RPAIN: variants seen among roughly 807,000 people sequenced by gnomAD.
RPAIN encodes RPA-interacting protein.
RPAIN carries 29 observed loss-of-function variants against 30.5 expected under a neutral mutation model. That is an observed-to-expected ratio of 0.95 (90% CI 0.71 to 1.30). The LOEUF (loss-of-function observed/expected upper bound fraction) is 1.30, where lower values mean the gene tolerates loss of function less well. Ranked by LOEUF, RPAIN falls within the 50% of genes most tolerant of loss-of-function variation. The probability of loss-of-function intolerance (pLI) is 0.00; values close to 1 mark genes in which losing one functional copy is unlikely to be tolerated. For synonymous variants in RPAIN, 101 were observed against 93.5 expected (o/e 1.08, Z -0.46); for missense variants, 247 against 264.7 (o/e 0.93, Z 0.46).
chr17:5,421,230 G>GT, intron 1 of RPAIN, 66 bp from the exon 2 acceptor site: 1 of 1,480,978 alleles, frequency 6.8e-7, no homozygotes, highest in Non-Finnish European at 9.1e-7. Flanking sequence ...CTCAACTAAT[G>GT]TAAGAGTGTT....
chr17:5,428,543 C>T (rs1487776518), intron 6 of RPAIN: 3 of 1,290,678 alleles, frequency 2.3e-6, no homozygotes. Flanking sequence ...GCCATGCTGG[C>T]ACCACTTTTG....
Position 5,432,619 on chromosome 17 carries a change from C to G in RPAIN, c.*48C>G, listed in dbSNP as rs1346699996. 1 of 1,537,628 alleles carries G rather than the reference C, an allele frequency of 6.5e-7. No homozygotes were observed. Among genetic ancestry groups the G allele is most frequent in the Non-Finnish European group, 9.0e-7 (1 of 1,110,544 alleles). On this transcript the variant is annotated 3_prime_UTR_variant, in exon 7 of 7. Transcript: ENST00000381209. ...TCTATGGGGTTGAAGACAACTCATT[C>G]CCTCTGAGGAGCCTTGTACATACAA...
chr17:5,426,312 C>T lies in RPAIN; in HGVS notation c.489+13C>T. On this transcript the variant is annotated intron_variant, in intron 5 of 6. Transcript: ENST00000381209. ...CATCCCATCTCATGTGAGTGTTCCA[C>T]ACACAGATTTCATGATACTTCTTCC... 6.2e-7 allele frequency: 1 copy of T among 1,608,480 alleles called. No homozygotes were observed. Among genetic ancestry groups the T allele is most frequent in the Non-Finnish European group, 8.5e-7 (1 of 1,174,828 alleles).
Position 5,429,244 on chromosome 17 carries a change from A to G in RPAIN, c.630+1033A>G, listed in dbSNP as rs896280038. 4.1e-6 allele frequency: 4 copies of G among 985,116 alleles called. No individual in the cohort carries two copies. The African/African-American group carries it at 7.0e-5, about 17-fold the overall frequency. The allele number at this position is 985,116 out of a possible 1,614,324, so 61.0% of individuals were successfully genotyped here. On this transcript the variant is annotated intron_variant, in intron 6 of 6. Coordinates refer to ENST00000381209, the MANE Select transcript of RPAIN (RefSeq NM_001033002.4). Reference sequence around the variant, plus strand: ...TGACACCTTCCTGGAGGAGGCATTTAACTTGGCCTTGAAGCATGGAATCGA... The same window carrying G: ...TGACACCTTCCTGGAGGAGGCATTTGACTTGGCCTTGAAGCATGGAATCGA...
intron 6 of RPAIN, chr17:5,429,563 C>A: frequency 1.0e-6 from 1 of 985,452 alleles, no homozygotes; most frequent in African/African-American, 1.7e-5. Context: ...CTGCTCCAGG[C>A]TCAGGCCTTG....
intron 5 of RPAIN, 112 bp downstream of exon 5, chr17:5,426,411 A>G: frequency 1.1e-6 from 1 of 945,804 alleles, no homozygotes; most frequent in Non-Finnish European, 1.7e-6. Context: ...TCCCAGTTTT[A>G]TGTTCAGTGG....
At chr17:5,429,079 AT>A (rs1915669709) in intron 6 of RPAIN, 2 of 985,242 alleles carry the variant, frequency 2.0e-6, no homozygotes, top group African/African-American at 3.5e-5. Flanking sequence ...TTGAGGACTC[AT>A]TAACATTGAG....
At position 5,427,425 on chromosome 17, in the gene RPAIN, T is replaced by TG. The variant is rs1915506469; in HGVS notation, c.490-645dup. The TG allele has an allele frequency of 2.6e-5, 4 of 152,454 alleles. No homozygotes were observed. The East Asian group carries it at 7.7e-4, about 29-fold the overall frequency. 9.4% of individuals were successfully genotyped at this position (152,454 alleles called of 1,614,324 possible). A position where few individuals can be genotyped will look rare whatever the true frequency, so the allele number is the denominator to read the frequency against. ...TGTTGGGATTACAAGCGTGAGCCAC[T>TG]GTGCCTCGCTGAGTCACCTTTTTTA... On this transcript the variant is annotated intron_variant, in intron 5 of 6. Transcript: ENST00000381209.
rs371448368 is a variant in RPAIN at position 5,431,448 on chromosome 17, T to C, written c.631-1094T>C. The C allele has an allele frequency of 1.8e-4, 78 of 436,136 alleles. No homozygotes were observed. In the East Asian group the frequency reaches 3.8e-3, roughly 21 times the overall value. The allele number at this position is 436,136 out of a possible 1,614,324, so 27.0% of individuals were successfully genotyped here. A position where few individuals can be genotyped will look rare whatever the true frequency, so the allele number is the denominator to read the frequency against. ...GTTGCAGTGAGCTGAGAGGGCGCCATTGCGCTCCAGGCTGGGTGACAGCGA... is the reference window on the plus strand; with the variant it reads ...GTTGCAGTGAGCTGAGAGGGCGCCACTGCGCTCCAGGCTGGGTGACAGCGA... On this transcript the variant is annotated intron_variant, in intron 6 of 6. Transcript: ENST00000381209.
In RPAIN at chr17:5,420,256, G is replaced by T. The variant is rs1443532767; in HGVS notation, c.46G>T (p.Val16Leu). 6.2e-7 allele frequency: 1 copy of T among 1,613,862 alleles called. No homozygotes were observed. The highest frequency in any genetic ancestry group is 1.1e-5 in the South Asian group (1 of 91,072). The change falls in exon 1 of 7, where the codon GTG (valine) becomes TTG (leucine). Residue 16 changes from valine to leucine, a missense_variant. By Grantham distance (32) the Val-to-Leu change is conservative (BLOSUM62 1). Transcript: ENST00000381209. The stretch of plus-strand genomic sequence containing the variant: ...TCCGCGCCGCTCCCTGTACAAACTG[G>T]TGGGCTCGCCGCCTTGGAAAGAGGC... The part of the protein sequence containing the change: ...RSPRRSLYKL[V>L]GSPPWKEAFR...
At position 5,432,113 on chromosome 17, in the gene RPAIN, C is replaced by T. The variant is rs928459071; in HGVS notation, c.631-429C>T. 42 of 224,612 alleles carry T rather than the reference C, an allele frequency of 1.9e-4. 7 individuals are homozygous for T. The highest frequency in any genetic ancestry group is 1.4e-3 in the Admixed American group (27 of 19,292). 13.9% of individuals were successfully genotyped at this position (224,612 alleles called of 1,614,324 possible). On this transcript the variant is annotated intron_variant, in intron 6 of 6. Transcript: ENST00000381209. ...ATCATGTCTTTACATGTTTTCTGCC[C>T]GTACTGATCATGCATGGTTTGCACC...
At position 5,428,054 on chromosome 17, in the gene RPAIN, A is replaced by G. The variant is rs1308332639; in HGVS notation, c.490-17A>G. 6.2e-7 allele frequency: 1 copy of G among 1,613,868 alleles called. No homozygotes were observed. Among genetic ancestry groups the G allele is most frequent in the Admixed American group, 1.7e-5 (1 of 59,976 alleles). On this transcript the variant is annotated splice_polypyrimidine_tract_variant and intron_variant, in intron 5 of 6. Transcript: ENST00000381209. ...TATCAAGTCACTGAGAGGAGGTTGAACTTTTTTATTTTGTAGTCTTCTGAG... is the reference window on the plus strand; with the variant it reads ...TATCAAGTCACTGAGAGGAGGTTGAGCTTTTTTATTTTGTAGTCTTCTGAG...
intron 6 of RPAIN, chr17:5,428,596 T>A: frequency 9.8e-7 from 1 of 1,019,486 alleles, no homozygotes. Flanking sequence ...AGCATTAGGT[T>A]TGTCTGTCAG....
At position 5,432,608 on chromosome 17, in the gene RPAIN, GAC is replaced by G. The variant is rs1234103614; in HGVS notation, c.*39_*40del. On this transcript the variant is annotated 3_prime_UTR_variant, in exon 7 of 7. Transcript: ENST00000381209. Reference sequence around the variant, plus strand: ...ACTCACATCATTCTATGGGGTTGAAGACAACTCATTCCCTCTGAGGAGCCTTG... The same window carrying G: ...ACTCACATCATTCTATGGGGTTGAAGAACTCATTCCCTCTGAGGAGCCTTG... The G allele has an allele frequency of 1.3e-6, 2 of 1,595,772 alleles. No homozygotes were observed. Among genetic ancestry groups the G allele is most frequent in the African/African-American group, 2.7e-5 (2 of 74,486 alleles).
At chr17:5,422,689 A>G in intron 2 of RPAIN, 80 bp from the exon 3 acceptor site, 3 of 1,342,634 alleles carry the variant, frequency 2.2e-6, no homozygotes, top group Non-Finnish European at 3.2e-6. Context: ...TCTTCAAGCC[A>G]GCCTCCAAGT....
At chr17:5,422,656 G>T in intron 2 of RPAIN, 113 bp from the exon 3 acceptor site, 1 of 864,190 alleles carries the variant, frequency 1.2e-6, no homozygotes, top group South Asian at 1.5e-5. Flanking sequence ...GGACTGGACT[G>T]ATTTTGTCCA....
At chr17:5,422,697 A>G (rs1250142841) in intron 2 of RPAIN, 72 bp from the exon 3 acceptor site, 5 of 1,419,886 alleles carry the variant, frequency 3.5e-6, no homozygotes, top group Non-Finnish European at 5.0e-6. Flanking sequence ...CCAGCCTCCA[A>G]GTATGAATCA....
intron 6 of RPAIN, 106 bp from the exon 7 acceptor site, chr17:5,432,434 CAG>C: frequency 1.9e-6 from 2 of 1,038,968 alleles, no homozygotes; most frequent in South Asian, 2.6e-5. Flanking sequence ...AAACTGGACT[CAG>C]GAGACCTCAT....
At chr17:5,424,942 T>C (rs1915231716) in intron 3 of RPAIN, among the ~76,000 whole-genome samples, 1 of 152,222 alleles carries the variant, frequency 6.6e-6, no homozygotes, top group Non-Finnish European at 1.5e-5. Flanking sequence ...AAGTCTGAAG[T>C]GACAAGGATT....
Sources: gnomAD v4.1 joint callset for allele counts (sites outside exome capture counted in the v4.1 genomes callset) on GRCh38, gnomAD v4.1.1 for gene constraint, MANE v1.5 for transcripts, NCBI Gene and HGNC (gene_info 2026-07-23, HGNC 2026-07-21) for gene names.